The following UTY variants were observed in gnomAD, a reference collection of about 807,000 sequenced individuals.
UTY encodes the protein histone demethylase UTY.
A neutral mutation model predicts 32.5 loss-of-function variants in UTY; 12 were observed. That is an observed-to-expected ratio of 0.37 (90% CI 0.24 to 0.60). The LOEUF (loss-of-function observed/expected upper bound fraction) is 0.60. Among genes scored for constraint, UTY ranks in the 20% least tolerant of loss-of-function variants. The pLI, the probability that UTY is intolerant of heterozygous loss-of-function variation, is 0.69. For missense variants in UTY, 303 were observed against 299.2 expected (o/e 1.01, Z -0.09); for synonymous variants, 131 against 103.4 (o/e 1.27, Z -1.62).
chrY:13,468,269 C>CA (rs2078096186), intron 3 of UTY, among the ~76,000 whole-genome samples: 10 of 26,734 alleles, frequency 3.7e-4, no homozygotes, highest in Non-Finnish European at 5.3e-4. Flanking sequence ...AAGACTGTCT[C>CA]AAAAAAAAAA....
chrY:13,409,978 T>C, intron 6 of UTY, among the ~76,000 whole-genome samples: 1 of 33,892 alleles, frequency 3.0e-5, no homozygotes, highest in Non-Finnish European at 7.4e-5. Context: ...ACTCTGCCCT[T>C]ACATGTCTTT....
intron 2 of UTY, among the ~76,000 whole-genome samples, chrY:13,475,761 T>C (rs2078991518): frequency 2.9e-5 from 1 of 33,929 alleles, no homozygotes; most frequent in African/African-American, 1.2e-4. Context: ...ATGCAGTGGC[T>C]CACTCCTGTA....
intron 27 of UTY, among the ~76,000 whole-genome samples, chrY:13,271,136 TAATC>T (rs2148524740): frequency 3.0e-5 from 1 of 33,039 alleles, no homozygotes; most frequent in East Asian, 7.9e-4. Context: ...TATTCTAACT[TAATC>T]AATAACCTAT....
chrY:13,326,113 T>G, intron 19 of UTY, 108 bp downstream of exon 19: 2 of 271,030 alleles, frequency 7.4e-6, no homozygotes, highest in East Asian at 2.1e-4. Context: ...GAGTAAAGTC[T>G]ATGCTCCCTA....
chrY:13,375,615 TAAC>T lies in UTY; in HGVS notation c.646-6269_646-6267del, dbSNP rs369828376. 2.3e-4 allele frequency among the ~76,000 whole-genome samples: 8 copies of T among 34,103 alleles called. No individual in the cohort carries two copies. The East Asian group carries it at 6.0e-3, about 26-fold the overall frequency. The allele number at this position is 34,103 out of a possible 37,273, so 91.5% of individuals were successfully genotyped here. A position where few individuals can be genotyped will look rare whatever the true frequency, so the allele number is the denominator to read the frequency against. ...TCTTTTTGTAATGGCTTCTTTAACT[TAAC>T]AATGTGTATTTAAGATTCAATTTTG... On this transcript the variant is annotated intron_variant, in intron 8 of 29. Transcript: ENST00000545955.
chrY:13,458,110 A>G, intron 3 of UTY, among the ~76,000 whole-genome samples: 1 of 34,055 alleles, frequency 2.9e-5, no homozygotes, highest in African/African-American at 1.1e-4. Context: ...AAACTCTCTA[A>G]TAACTTGTAA....
intron 24 of UTY, among the ~76,000 whole-genome samples, chrY:13,303,785 A>G: frequency 6.0e-5 from 2 of 33,257 alleles, no homozygotes; most frequent in African/African-American, 1.2e-4. Flanking sequence ...GAAAAATGAC[A>G]TTTTTCATTT....
At chrY:13,256,217 G>A in intron 28 of UTY, among the ~76,000 whole-genome samples, 1 of 33,807 alleles carries the variant, frequency 3.0e-5, no homozygotes, top group Non-Finnish European at 7.4e-5. Context: ...TGAGTAATCT[G>A]TTTTCTATCC....
intron 17 of UTY, among the ~76,000 whole-genome samples, chrY:13,343,601 A>G: frequency 3.0e-5 from 1 of 33,230 alleles, no homozygotes; most frequent in Non-Finnish European, 7.4e-5. Flanking sequence ...CTTTACTGAT[A>G]TGATACTTCA....
In UTY at chrY:13,251,105, C is replaced by T. The variant is rs776978234; in HGVS notation, c.4220G>A (p.Arg1407Gln). ...TYIVHCHDCA[R>Q]KTSKSLENFV... ...ATTTTCCAAACTTTTGCTTGTTTTT[C>T]GTGCACAATCATGGCAATGTACTAT... Residue 1407 changes from arginine (R) to glutamine (Q), a missense_variant, in exon 29 of 30, where the codon CGA (arginine) becomes CAA (glutamine). Transcript: ENST00000545955. 6 of 398,059 alleles carry T rather than the reference C, an allele frequency of 1.5e-5. No homozygotes were observed. The highest frequency in any genetic ancestry group is 7.4e-5 in the Admixed American group (1 of 13,452).
intron 4 of UTY, among the ~76,000 whole-genome samples, chrY:13,416,965 T>C (rs2149710067): frequency 5.9e-5 from 2 of 33,952 alleles, no homozygotes; most frequent in East Asian, 1.5e-3. Context: ...TTTCTGTTAG[T>C]ATAATAATGA....
intron 4 of UTY, among the ~76,000 whole-genome samples, chrY:13,426,137 A>G (rs756550928): frequency 1.2e-4 from 4 of 32,937 alleles, no homozygotes; most frequent in African/African-American, 4.8e-4. Flanking sequence ...AACCTGGACA[A>G]CAAGCCAGGA....
chrY:13,390,553 G>A, intron 8 of UTY, among the ~76,000 whole-genome samples: 2 of 33,568 alleles, frequency 6.0e-5, no homozygotes, highest in African/African-American at 2.3e-4. Context: ...TGATTAGTTT[G>A]CAATGTTTGC....
chrY:13,240,387 A>C, intron 28 of UTY, among the ~76,000 whole-genome samples: 1 of 33,792 alleles, frequency 3.0e-5, no homozygotes, highest in African/African-American at 1.2e-4. Context: ...TTCATAAAGC[A>C]AATATTAATT....
Position 13,398,405 on chromosome Y carries a change from T to C in UTY, c.556-1433A>G, listed in dbSNP as rs776852459. Among the ~76,000 whole-genome samples, 101 of 33,386 alleles carry C rather than the reference T, an allele frequency of 3.0e-3. No homozygotes were observed. The East Asian group carries it at 0.062, about 20-fold the overall frequency. The allele number at this position is 33,386 out of a possible 37,273, so 89.6% of individuals were successfully genotyped here. A position where few individuals can be genotyped will look rare whatever the true frequency, so the allele number is the denominator to read the frequency against. On this transcript the variant is annotated intron_variant, in intron 6 of 29. Coordinates refer to ENST00000545955, the MANE Select transcript of UTY (RefSeq NM_001258249.2). ...AAGTAAAGTTGGGCCTGTTACGTCA[T>C]ATGCAAAAGTTAGCTTAAAATGGAT...
rs1327343755 is a variant in UTY at position 13,323,570 on chromosome Y, G to C, written c.3261C>G (p.Phe1087Leu). ...AKYAQYQASS[F>L]QESLREENEK... ...AAAAACTTACTCTCAATGATTCCTGGAAGGAGGAAGCCTGGTATTGTGCGT... is the reference window on the plus strand; with the variant it reads ...AAAAACTTACTCTCAATGATTCCTGCAAGGAGGAAGCCTGGTATTGTGCGT... Residue 1087 changes from phenylalanine to leucine, a missense_variant, in exon 21 of 30, where the codon TTC (phenylalanine) becomes TTG (leucine). Transcript: ENST00000545955. The C allele has an allele frequency of 2.5e-6, 1 of 396,545 alleles. No individual in the cohort carries two copies. Among genetic ancestry groups the C allele is most frequent in the Admixed American group, 7.4e-5 (1 of 13,436 alleles).
intron 2 of UTY, chrY:13,475,971 T>C: frequency 2.6e-5 from 3 of 113,938 alleles, no homozygotes; most frequent in Non-Finnish European, 3.5e-5. Flanking sequence ...GAGGTTGCAG[T>C]GAGGTGAGAC....
chrY:13,337,120 C>T (rs1603419104), intron 17 of UTY, among the ~76,000 whole-genome samples: 1 of 32,194 alleles, frequency 3.1e-5, no homozygotes, highest in South Asian at 6.7e-4. Context: ...GAATAAATAA[C>T]ACAGGTAAGA....
intron 21 of UTY, among the ~76,000 whole-genome samples, chrY:13,318,175 A>G (rs1603384967): frequency 4.3e-5 from 1 of 23,516 alleles, no homozygotes; most frequent in African/African-American, 3.1e-4. Flanking sequence ...AATAATAATA[A>G]TAATAATAGT....
Sources: allele counts gnomAD v4.1 joint callset (sites outside exome capture counted in the v4.1 genomes callset), GRCh38; gene constraint gnomAD v4.1.1; transcripts MANE v1.5; gene names NCBI Gene and HGNC (gene_info 2026-07-23, HGNC 2026-07-21).